EN1: variants seen among roughly 807,000 people sequenced by gnomAD.
The protein encoded by EN1 is engrailed homeobox 1, also known as homeobox protein engrailed-1.
EN1 carries 8 observed loss-of-function variants against 22.9 expected under a neutral mutation model. The observed-to-expected ratio is 0.35, with a 90% CI of 0.20 to 0.63. The LOEUF (loss-of-function observed/expected upper bound fraction) is 0.63, where lower values mean the gene tolerates loss of function less well. Ranked by LOEUF, EN1 falls within the 20% of genes least tolerant of loss-of-function variation. The pLI is 0.73. For missense variants in EN1, 521 were observed against 572.1 expected, an observed-to-expected ratio of 0.91 and a Z score of 0.91; for synonymous variants, 287 against 262.5, an observed-to-expected ratio of 1.09 and a Z score of -0.90.
Position 118,842,856 on chromosome 2 carries a change from T to C in EN1, c.*82A>G. The stretch of plus-strand genomic sequence containing the variant: ...GCGCTCCCTCCCTCCTTGGAGCAGA[T>C]GCTTTCTCCCCCAGCGAGGGGCCGG... On this transcript the variant is annotated 3_prime_UTR_variant, in exon 2 of 2. Coordinates refer to ENST00000295206, the MANE Select transcript of EN1 (RefSeq NM_001426.4). The C allele has an allele frequency of 2.7e-6, 4 of 1,503,888 alleles. No homozygotes were observed. Among genetic ancestry groups the C allele is most frequent in the Non-Finnish European group, 3.5e-6 (4 of 1,127,182 alleles). The allele number at this position is 1,503,888 out of a possible 1,614,324, so 93.2% of individuals were successfully genotyped here.
At position 118,842,873 on chromosome 2, in the gene EN1, AG is replaced by A; in HGVS notation, c.*64del. 2.6e-6 allele frequency: 4 copies of A among 1,534,450 alleles called. No homozygotes were observed. Among genetic ancestry groups the A allele is most frequent in the South Asian group, 1.3e-5 (1 of 79,958 alleles). On this transcript the variant is annotated 3_prime_UTR_variant, in exon 2 of 2. Coordinates refer to ENST00000295206, the MANE Select transcript of EN1 (RefSeq NM_001426.4). Reference sequence around the variant, plus strand: ...GGAGCAGATGCTTTCTCCCCCAGCGAGGGGCCGGGAGACGACGGCGGCGGTG... The same window carrying A: ...GGAGCAGATGCTTTCTCCCCCAGCGAGGGCCGGGAGACGACGGCGGCGGTG...
rs1251731742 is a variant in EN1, at chr2:118,846,820, G to A, written c.348C>T (p.Gly116=). The A allele has an allele frequency of 6.3e-7, 1 of 1,595,016 alleles. No individual in the cohort carries two copies. Among genetic ancestry groups the A allele is most frequent in the South Asian group, 1.1e-5 (1 of 89,784 alleles). The change falls in exon 1 of 2, where the codon GGC becomes GGT. Residue 116 remains glycine (G), a synonymous_variant. Coordinates refer to ENST00000295206, the MANE Select transcript of EN1 (RefSeq NM_001426.4). The surrounding 1 kb of genome is among the most constrained non-coding windows in gnomAD (Gnocchi z 5.0). ...GCGGTGGCGGCTGCTCCTTTTTGCA[G>A]CCGAAGTCCGGCCTCAGGATGTTGT... ...FIDNILRPDF[G]CKKEQPPPQL...
Position 118,847,126 on chromosome 2 carries a change from C to T in EN1, c.42G>A (p.Ser14=). The change falls in exon 1 of 2, where the codon TCG becomes TCA. Residue 14 remains serine (S), a synonymous_variant. Transcript: ENST00000295206. ...TCGCCGCCGCCGCCGCGCCGAGGGC[C>T]GAGTCGCGCTGACTTTTAGGTTCCG... The part of the protein sequence containing the change: ...QQPEPKSQRD[S]ALGAAAAATP... 1 of 1,335,886 alleles carries T rather than the reference C, an allele frequency of 7.5e-7. No homozygotes were observed. Among genetic ancestry groups the T allele is most frequent in the Non-Finnish European group, 9.9e-7 (1 of 1,009,332 alleles). The allele number at this position is 1,335,886 out of a possible 1,614,324, so 82.8% of individuals were successfully genotyped here.
chr2:118,846,826 G>C lies in EN1; in HGVS notation c.342C>G (p.Asp114Glu). The change falls in exon 1 of 2, where the codon GAC becomes GAG. Residue 114 changes from aspartate to glutamate, a missense_variant. This residue lies in a region of EN1 where 436 missense variants were observed against 410.1 expected (regional missense o/e 1.06). Transcript: ENST00000295206. The surrounding 1 kb of genome is among the most constrained non-coding windows in gnomAD (Gnocchi z 5.0). ...GCGGCTGCTCCTTTTTGCAGCCGAA[G>C]TCCGGCCTCAGGATGTTGTCGATGA... ...NFFIDNILRPDFGCKKEQPPP... is the reference protein window; with the variant it reads ...NFFIDNILRPEFGCKKEQPPP... 2 of 1,595,144 alleles carry C rather than the reference G, an allele frequency of 1.3e-6. No individual in the cohort carries two copies. The highest frequency in any genetic ancestry group is 1.7e-6 in the Non-Finnish European group (2 of 1,176,830).
rs767839861 is a variant in EN1 at position 118,846,432 on chromosome 2, C to G, written c.736G>C (p.Gly246Arg). The G allele has an allele frequency of 1.4e-5, 22 of 1,612,806 alleles. No individual in the cohort carries two copies. Among genetic ancestry groups the G allele is most frequent in the Non-Finnish European group, 1.9e-5 (22 of 1,179,698 alleles). ...CCCATAAGTAGGATAGCCGGGTTGC[C>G]GTGCTCCGGGTATTTGGTGCCCTGC... is the stretch of plus-strand genomic sequence containing the variant. ...GAQGTKYPEH[G>R]NPAILLMGSA... Residue 246 changes from glycine to arginine, a missense_variant, in exon 1 of 2, where the codon GGC (glycine) becomes CGC (arginine). Transcript: ENST00000295206. The surrounding 1 kb of genome is among the most constrained non-coding windows in gnomAD (Gnocchi z 5.0).
In EN1 at chr2:118,847,261, C is replaced by G. The variant is rs1304402271; in HGVS notation, c.-94G>C. On this transcript the variant is annotated 5_prime_UTR_variant, in exon 1 of 2. Coordinates refer to ENST00000295206, the MANE Select transcript of EN1 (RefSeq NM_001426.4). ...TTTGCCAGCGGCCCGTGGGGGTGCG[C>G]GGAGGAAGGAGGCAGGCGAAGCCTC... 1 of 434,692 alleles carries G rather than the reference C, an allele frequency of 2.3e-6. No homozygotes were observed. The highest frequency in any genetic ancestry group is 4.0e-5 in the East Asian group (1 of 25,054). The allele number at this position is 434,692 out of a possible 1,614,324, so 26.9% of individuals were successfully genotyped here. A position where few individuals can be genotyped will look rare whatever the true frequency, so the allele number is the denominator to read the frequency against.
chr2:118,845,254 G>A (rs1678251924), intron 1 of EN1, among the ~76,000 whole-genome samples: 1 of 152,226 alleles, frequency 6.6e-6, no homozygotes, highest in African/African-American at 2.4e-5. Flanking sequence ...AAAGCGGCGC[G>A]TGGCTACGTT....
chr2:118,844,571 G>T (rs1202395609), intron 1 of EN1, among the ~76,000 whole-genome samples: 2 of 152,210 alleles, frequency 1.3e-5, no homozygotes, highest in African/African-American at 4.8e-5. Context: ...GTAGCTTGCT[G>T]AACCAAGTTA....
chr2:118,845,941 C>T (rs1046272949), intron 1 of EN1, among the ~76,000 whole-genome samples: 15 of 152,252 alleles, frequency 9.9e-5, no homozygotes, highest in Non-Finnish European at 1.8e-4. Context: ...TTCAGACACA[C>T]ATCACTAGGC....
rs546644099 is a variant in EN1, at chr2:118,843,261, C to T, written c.863-7G>A. 8.1e-6 allele frequency: 2 copies of T among 245,974 alleles called. No homozygotes were observed. The highest frequency in any genetic ancestry group is 2.3e-4 in the East Asian group (1 of 4,300). 15.2% of individuals were successfully genotyped at this position (245,974 alleles called of 1,614,324 possible). ...AGCTTCCTGGTGCGCGGACCTGCAG[C>T]GGCGGAGAGGGCCGGGGTGGGGTGG... On this transcript the variant is annotated splice_polypyrimidine_tract_variant and splice_region_variant and intron_variant, in intron 1 of 1. Coordinates refer to ENST00000295206, the MANE Select transcript of EN1 (RefSeq NM_001426.4).
chr2:118,844,068 G>A (rs1301241834), intron 1 of EN1: 1 of 152,182 alleles, frequency 6.6e-6, no homozygotes, highest in African/African-American at 2.4e-5. Flanking sequence ...CCCTTGGATG[G>A]TGCCAATAAG....
rs1215308775 is a variant in EN1 at position 118,846,535 on chromosome 2, CGCCGCCACTGCCGCCGCG to C, written c.615_632del (p.Val209_Ala214del). 4.1e-6 allele frequency: 5 copies of C among 1,213,556 alleles called. No individual in the cohort carries two copies. The African/African-American group carries it at 5.0e-5, about 12-fold the overall frequency. 75.2% of individuals were successfully genotyped at this position (1,213,556 alleles called of 1,614,324 possible). On this transcript the variant is annotated inframe_deletion, in exon 1 of 2. Coordinates refer to ENST00000295206, the MANE Select transcript of EN1 (RefSeq NM_001426.4). The surrounding 1 kb of genome is among the most constrained non-coding windows in gnomAD (Gnocchi z 5.0). ...GCTTGGCTGCTGCGGCCGCCGCCGC[CGCCGCCACTGCCGCCGCG>C]GCCGCCGCCGCCGCCGCAGCCGGGT...
At position 118,846,523 on chromosome 2, in the gene EN1, GGCCGCCGCC is replaced by G; in HGVS notation, c.636_644del (p.Ala216_Ala218del). ...CGGTGTCCGAGGGCTTGGCTGCTGCGGCCGCCGCCGCCGCCGCCACTGCCGCCGCGGCCG... is the reference window on the plus strand; with the variant it reads ...CGGTGTCCGAGGGCTTGGCTGCTGCGGCCGCCGCCACTGCCGCCGCGGCCG... On this transcript the variant is annotated inframe_deletion, in exon 1 of 2. Coordinates refer to ENST00000295206, the MANE Select transcript of EN1 (RefSeq NM_001426.4). This position sits in a 1 kb window ranked among gnomAD's most constrained non-coding sequence, Gnocchi z 5.0. 7.1e-6 allele frequency: 9 copies of G among 1,261,706 alleles called. No homozygotes were observed. Among genetic ancestry groups the G allele is most frequent in the East Asian group, 3.3e-5 (1 of 30,486 alleles). The allele number at this position is 1,261,706 out of a possible 1,614,324, so 78.2% of individuals were successfully genotyped here.
chr2:118,845,731 C>T (rs990685633), intron 1 of EN1, among the ~76,000 whole-genome samples: 2 of 152,200 alleles, frequency 1.3e-5, no homozygotes, highest in Non-Finnish European at 2.9e-5. Context: ...TTTTCGCTAC[C>T]CAGCCGGGGG....
chr2:118,847,151 G>A lies in EN1; in HGVS notation c.17C>T (p.Pro6Leu). 2 of 1,169,336 alleles carry A rather than the reference G, an allele frequency of 1.7e-6. No individual in the cohort carries two copies. The highest frequency in any genetic ancestry group is 2.8e-5 in the Admixed American group (1 of 35,204). 72.4% of individuals were successfully genotyped at this position (1,169,336 alleles called of 1,614,324 possible). MEEQQPEPKSQRDSAL... is the reference protein window; with the variant it reads MEEQQLEPKSQRDSAL... ...CGAGTCGCGCTGACTTTTAGGTTCC[G>A]GCTGCTGTTCTTCCATGCTCGGCCG... Residue 6 changes from proline to leucine, a missense_variant, in exon 1 of 2, where the codon CCG (proline) becomes CTG (leucine). Pro to Leu is a moderately conservative substitution (Grantham distance 98). This residue lies in a region of EN1 where 436 missense variants were observed against 410.1 expected (regional missense o/e 1.06). Coordinates refer to ENST00000295206, the MANE Select transcript of EN1 (RefSeq NM_001426.4).
chr2:118,846,673 G>A lies in EN1; in HGVS notation c.495C>T (p.Gly165=). The change falls in exon 1 of 2, where the codon GGC becomes GGT. Residue 165 remains glycine, a synonymous_variant. Transcript: ENST00000295206. This position sits in a 1 kb window ranked among gnomAD's most constrained non-coding sequence, Gnocchi z 5.0. ...PVHPLGTRAP[G]AASLLCAPDA... is the part of the protein sequence containing the mutation. ...CCGGGGCGCACAGGAGCGAGGCAGCGCCTGGCGCCCGGGTGCCCAACGGGT... is the reference window on the plus strand; with the variant it reads ...CCGGGGCGCACAGGAGCGAGGCAGCACCTGGCGCCCGGGTGCCCAACGGGT... 1.9e-6 allele frequency: 3 copies of A among 1,578,576 alleles called. No individual in the cohort carries two copies. Among genetic ancestry groups the A allele is most frequent in the Non-Finnish European group, 1.7e-6 (2 of 1,171,658 alleles).
intron 1 of EN1, among the ~76,000 whole-genome samples, chr2:118,845,847 G>C (rs1678260690): frequency 6.6e-6 from 1 of 152,184 alleles, no homozygotes; most frequent in African/African-American, 2.4e-5. Context: ...GTTTGTGTCT[G>C]TAAGGACACA....
chr2:118,845,778 C>T (rs556804094), intron 1 of EN1, among the ~76,000 whole-genome samples: 1 of 152,188 alleles, frequency 6.6e-6, no homozygotes, highest in South Asian at 2.1e-4. Context: ...TCCCTGTCTT[C>T]CTGTGTTTCC....
chr2:118,845,149 G>A (rs1414403071), intron 1 of EN1, among the ~76,000 whole-genome samples: 1 of 152,238 alleles, frequency 6.6e-6, no homozygotes, highest in Non-Finnish European at 1.5e-5. Context: ...GGAGCCCGAC[G>A]TGTCAATAAC....
Sources: allele counts gnomAD v4.1 joint callset (sites outside exome capture counted in the v4.1 genomes callset), GRCh38; gene constraint gnomAD v4.1.1; regional missense constraint gnomAD v4.1.1; non-coding constraint Gnocchi (gnomAD v3.1); transcripts MANE v1.5; gene names NCBI Gene and HGNC (gene_info 2026-07-23, HGNC 2026-07-21).